Variants in INTS1 observed in about 807,000 individuals in gnomAD.
INTS1 encodes integrator complex subunit 1.
Under a neutral mutation model 241.6 loss-of-function variants are expected in INTS1, and 137 were observed. The ratio of observed to expected loss-of-function variants is 0.57; its 90% CI spans 0.49 to 0.65. INTS1 has a LOEUF of 0.65. Among genes scored for constraint, INTS1 ranks in the 30% least tolerant of loss-of-function variants. The pLI is 0.00. For missense variants in INTS1, 3,073 were observed against 3,032.2 expected, an observed-to-expected ratio of 1.01 and a Z score of -0.32; for synonymous variants, 1,692 against 1,337.8, an observed-to-expected ratio of 1.26 and a Z score of -5.78.
intron 16 of INTS1, among the ~76,000 whole-genome samples, chr7:1,492,560 C>T (rs1782609327): frequency 1.3e-5 from 2 of 151,096 alleles, no homozygotes; most frequent in Admixed American, 1.3e-4. Context: ...TGGAATTGCA[C>T]ACTTTAGATA....
chr7:1,494,272 A>G (rs1050583935), intron 14 of INTS1, among the ~76,000 whole-genome samples: 3 of 151,974 alleles, frequency 2.0e-5, no homozygotes, highest in African/African-American at 7.3e-5. Flanking sequence ...TAACCCCTAC[A>G]CCTCCAAAGC....
intron 44 of INTS1, 159 bp downstream of exon 44, chr7:1,472,113 TG>T: frequency 3.2e-6 from 2 of 624,856 alleles, no homozygotes; most frequent in Non-Finnish European, 2.9e-6. Context: ...AGGCCCTCTC[TG>T]GGGGTGCTCC....
rs754723515 is a variant in INTS1, at chr7:1,473,022, GTAGGACTGTTCCGCAGCTGC to G, written c.6070+30_6070+49del. Reference sequence around the variant, plus strand: ...CTGTGCGCTGGGAAAACCAGGCCCTGTAGGACTGTTCCGCAGCTGCTTCCAGCAGCCCCTGGCAGCCCCAC... The same window carrying G: ...CTGTGCGCTGGGAAAACCAGGCCCTGTTCCAGCAGCCCCTGGCAGCCCCAC... On this transcript the variant is annotated intron_variant, in intron 43 of 47. Coordinates refer to ENST00000404767, the MANE Select transcript of INTS1 (RefSeq NM_001080453.3). 13 of 1,298,536 alleles carry G rather than the reference GTAGGACTGTTCCGCAGCTGC, an allele frequency of 1.0e-5. No homozygotes were observed. In the South Asian group the frequency reaches 1.7e-4, roughly 17 times the overall value. 80.4% of individuals were successfully genotyped at this position (1,298,536 alleles called of 1,614,324 possible). A position where few individuals can be genotyped will look rare whatever the true frequency, so the allele number is the denominator to read the frequency against.
At position 1,497,017 on chromosome 7, in the gene INTS1, G is replaced by T; in HGVS notation, c.1602+121C>A. 9.7e-7 allele frequency: 1 copy of T among 1,026,746 alleles called. No homozygotes were observed. Among genetic ancestry groups the T allele is most frequent in the Non-Finnish European group, 1.4e-6 (1 of 722,466 alleles). The allele number at this position is 1,026,746 out of a possible 1,614,324, so 63.6% of individuals were successfully genotyped here. ...ACCGCAAACAGCCTCACTCATCCCC[G>T]TACCCACGCTCAGCCAGAGCATCCG... On this transcript the variant is annotated intron_variant, in intron 11 of 47. Transcript: ENST00000404767. This position sits in a 1 kb window ranked among gnomAD's most constrained non-coding sequence, Gnocchi z 5.3.
intron 16 of INTS1, among the ~76,000 whole-genome samples, chr7:1,491,244 G>A (rs1380501825): frequency 6.6e-6 from 1 of 152,248 alleles, no homozygotes; most frequent in African/African-American, 2.4e-5. Context: ...CCAAAGGCGA[G>A]CTCTGTGCTG....
Position 1,476,328 on chromosome 7 carries a change from G to A in INTS1, c.5279C>T (p.Ala1760Val), listed in dbSNP as rs904548393. 3.8e-6 allele frequency: 6 copies of A among 1,586,178 alleles called. No individual in the cohort carries two copies. The East Asian group carries it at 1.4e-4, about 36-fold the overall frequency. ...GDTAACSLIQ[A>V]RLPLLLSCCC... The stretch of plus-strand genomic sequence containing the variant: ...GCAGCTGAGCAGCAGGGGCAGCCGG[G>A]CCTGGATGAGGCTGCAGGCGGCTGT... The change falls in exon 38 of 48, where the codon GCC becomes GTC. Residue 1760 changes from alanine to valine, a missense_variant. Physicochemically the swap from Ala to Val is moderately conservative, Grantham distance 64. Coordinates refer to ENST00000404767, the MANE Select transcript of INTS1 (RefSeq NM_001080453.3).
At position 1,486,727 on chromosome 7, in the gene INTS1, T is replaced by C. The variant is rs1354223546; in HGVS notation, c.2874A>G (p.Leu958=). 5 of 1,612,598 alleles carry C rather than the reference T, an allele frequency of 3.1e-6. No homozygotes were observed. The highest frequency in any genetic ancestry group is 4.2e-6 in the Non-Finnish European group (5 of 1,179,766). ...RQLLGRLQDL[L]LGPKADEQTT... ...TCTGCTCATCAGCCTTCGGGCCCAG[T>C]AGCAGGTCCTGCAGGCGGCCCAGCA... Residue 958 remains leucine (L), a synonymous_variant, in exon 22 of 48, where the codon CTA becomes CTG. Transcript: ENST00000404767.
intron 16 of INTS1, among the ~76,000 whole-genome samples, chr7:1,491,457 T>A (rs1782543245): frequency 6.6e-6 from 1 of 152,122 alleles, no homozygotes; most frequent in Non-Finnish European, 1.5e-5. Context: ...CTCAAACACC[T>A]GAAAGTAAGA....
intron 11 of INTS1, 123 bp from the exon 12 acceptor site, chr7:1,496,387 ACGTGGGCGCGGC>A: frequency 3.2e-6 from 1 of 314,774 alleles, no homozygotes; most frequent in African/African-American, 3.6e-5. Flanking sequence ...CTCCACACCC[ACGTGGGCGCGGC>A]ACGGGGTCTG....
chr7:1,477,977 C>T (rs369161638), intron 33 of INTS1, 41 bp from the exon 34 acceptor site: 456 of 1,577,090 alleles, frequency 2.9e-4, no homozygotes, highest in East Asian at 4.5e-4. Context: ...ACTCCCAGGT[C>T]GGGTGGGGGC....
intron 35 of INTS1, 45 bp downstream of exon 35, chr7:1,477,504 CT>C: frequency 6.8e-7 from 1 of 1,465,512 alleles, no homozygotes; most frequent in Non-Finnish European, 9.0e-7. Flanking sequence ...CAGGAAGAGC[CT>C]TTACCCTGGG....
At position 1,498,463 on chromosome 7, in the gene INTS1, G is replaced by T; in HGVS notation, c.1374C>A (p.Asn458Lys). ...NELSSARNPN[N>K]MQVLYTALQH... Reference sequence around the variant, plus strand: ...GCAGTGCGGTATAGAGGACCTGCATGTTGTTCGGGTTCCGGGCGCTGGAGA... The same window carrying T: ...GCAGTGCGGTATAGAGGACCTGCATTTTGTTCGGGTTCCGGGCGCTGGAGA... Residue 458 changes from asparagine (N) to lysine (K), a missense_variant, in exon 10 of 48, where the codon AAC (asparagine) becomes AAA (lysine). Transcript: ENST00000404767. 6.2e-7 allele frequency: 1 copy of T among 1,613,956 alleles called. No individual in the cohort carries two copies. Among genetic ancestry groups the T allele is most frequent in the Non-Finnish European group, 8.5e-7 (1 of 1,179,884 alleles).
At position 1,479,694 on chromosome 7, in the gene INTS1, G is replaced by A. The variant is rs1461016933; in HGVS notation, c.4075-10C>T. ...GGCTGAGCGGGAAAATCTGGAACGG[G>A]GAAGGCCAGTGTCAGGAGGAAGCGG... On this transcript the variant is annotated splice_polypyrimidine_tract_variant and intron_variant, in intron 30 of 47. Coordinates refer to ENST00000404767, the MANE Select transcript of INTS1 (RefSeq NM_001080453.3). 2.7e-6 allele frequency: 4 copies of A among 1,460,412 alleles called. No homozygotes were observed. Among genetic ancestry groups the A allele is most frequent in the Non-Finnish European group, 3.6e-6 (4 of 1,104,630 alleles). 90.5% of individuals were successfully genotyped at this position (1,460,412 alleles called of 1,614,324 possible). A position where few individuals can be genotyped will look rare whatever the true frequency, so the allele number is the denominator to read the frequency against.
intron 31 of INTS1, 115 bp from the exon 32 acceptor site, chr7:1,479,000 G>A: frequency 1.6e-6 from 2 of 1,215,346 alleles, no homozygotes; most frequent in Non-Finnish European, 2.3e-6. Flanking sequence ...CCGGCACTTG[G>A]AGCCTGGGCC....
intron 33 of INTS1, 44 bp downstream of exon 33, chr7:1,478,322 T>G: frequency 2.5e-6 from 4 of 1,603,830 alleles, no homozygotes; most frequent in South Asian, 1.1e-5. Flanking sequence ...GTTTGGGTCT[T>G]CCCAGGGCCG....
At chr7:1,491,847 G>A (rs189894347) in intron 16 of INTS1, among the ~76,000 whole-genome samples, 488 of 152,336 alleles carry the variant, frequency 3.2e-3, no homozygotes, top group Non-Finnish European at 5.0e-3. Context: ...GCAGTGAACC[G>A]TTGATTGTGC....
At chr7:1,500,475 G>T in intron 3 of INTS1, 109 bp from the exon 4 acceptor site, 3 of 1,249,578 alleles carry the variant, frequency 2.4e-6, no homozygotes, top group Non-Finnish European at 3.2e-6. Flanking sequence ...GGTCGGCCCT[G>T]CCAGGGACCA....
rs1332182142 is a variant in INTS1, at chr7:1,493,138, G to C, written c.2069-32C>G. 1 of 1,569,176 alleles carries C rather than the reference G, an allele frequency of 6.4e-7. No individual in the cohort carries two copies. Among genetic ancestry groups the C allele is most frequent in the Admixed American group, 1.7e-5 (1 of 59,854 alleles). ...CCAAGAGCCACACATGGGTTCTGGGGCTGCTCACAGACCATCAGGCACAGG... is the reference window on the plus strand; with the variant it reads ...CCAAGAGCCACACATGGGTTCTGGGCCTGCTCACAGACCATCAGGCACAGG... On this transcript the variant is annotated intron_variant, in intron 15 of 47. Transcript: ENST00000404767. The surrounding 1 kb of genome is among the most constrained non-coding windows in gnomAD (Gnocchi z 5.3).
Position 1,480,446 on chromosome 7 carries a change from A to G in INTS1, c.3950-5T>C. ...GTTTGGGTGCCTCTGTGCTGTCTGCAGAGACAGGAGAACTGTCAGTGGCTG... is the reference window on the plus strand; with the variant it reads ...GTTTGGGTGCCTCTGTGCTGTCTGCGGAGACAGGAGAACTGTCAGTGGCTG... On this transcript the variant is annotated splice_region_variant and splice_polypyrimidine_tract_variant and intron_variant, in intron 29 of 47. Coordinates refer to ENST00000404767, the MANE Select transcript of INTS1 (RefSeq NM_001080453.3). 6.2e-7 allele frequency: 1 copy of G among 1,611,820 alleles called. No homozygotes were observed. The highest frequency in any genetic ancestry group is 1.7e-5 in the Admixed American group (1 of 59,774).
Sources: allele counts gnomAD v4.1 joint callset (sites outside exome capture counted in the v4.1 genomes callset), GRCh38; gene constraint gnomAD v4.1.1; non-coding constraint Gnocchi (gnomAD v3.1); transcripts MANE v1.5; gene names NCBI Gene and HGNC (gene_info 2026-07-23, HGNC 2026-07-21).